The following NRXN1 variants were observed in gnomAD, a reference collection of about 807,000 sequenced individuals.
NRXN1 encodes the protein neurexin-1.
A neutral mutation model predicts 150.9 loss-of-function variants in NRXN1; 39 were observed. The observed-to-expected ratio is 0.26, with a 90% CI of 0.20 to 0.34. The LOEUF (loss-of-function observed/expected upper bound fraction) is 0.34, where lower values mean the gene tolerates loss of function less well. NRXN1 is among the 10% of genes least tolerant of loss of function. The pLI, the probability that NRXN1 is intolerant of heterozygous loss-of-function variation, is 1.00. For synonymous variants in NRXN1, 924 were observed against 757.0 expected (o/e 1.22, Z -3.62); for missense variants, 1,815 against 1,949.9 (o/e 0.93, Z 1.30).
chr2:50,696,175 CGTGTGT>C (rs200473527), intron 5 of NRXN1: 29,293 of 146,310 alleles, frequency 0.2, 3,038 homozygotes, highest in East Asian at 0.27. Flanking sequence ...AGTACATATA[CGTGTGT>C]GTGTGTGTGT....
At chr2:50,819,114 G>A (rs916822506) in intron 5 of NRXN1, among the ~76,000 whole-genome samples, 2 of 152,130 alleles carry the variant, frequency 1.3e-5, no homozygotes, top group Non-Finnish European at 2.9e-5. Flanking sequence ...GAAACAGTAT[G>A]GAGGTTCCTC....
intron 5 of NRXN1, among the ~76,000 whole-genome samples, chr2:50,644,563 T>C (rs570503258): frequency 6.6e-6 from 1 of 151,728 alleles, no homozygotes; most frequent in Non-Finnish European, 1.5e-5. Context: ...TGGACGGCTA[T>C]GGAATGAAAT....
chr2:50,345,472 G>T (rs2077877178), intron 17 of NRXN1, among the ~76,000 whole-genome samples: 1 of 152,094 alleles, frequency 6.6e-6, no homozygotes, highest in South Asian at 2.1e-4. Context: ...AAGGTGACGG[G>T]TCCTGCAAGA....
At chr2:50,608,224 T>C (rs891575193) in intron 8 of NRXN1, among the ~76,000 whole-genome samples, 1 of 152,228 alleles carries the variant, frequency 6.6e-6, no homozygotes, top group African/African-American at 2.4e-5. Context: ...TGTTTCGTGA[T>C]CCATAAAATA....
chr2:50,120,295 C>G (rs866396736), intron 18 of NRXN1, among the ~76,000 whole-genome samples: 24 of 151,798 alleles, frequency 1.6e-4, no homozygotes, highest in African/African-American at 5.1e-4. Flanking sequence ...AAAAAATGTT[C>G]AAGGACTAAG....
At chr2:50,365,498 C>T (rs1572694680) in intron 17 of NRXN1, among the ~76,000 whole-genome samples, 1 of 151,996 alleles carries the variant, frequency 6.6e-6, no homozygotes, top group Non-Finnish European at 1.5e-5. Context: ...AAGAAAGTTA[C>T]AAATTTTCTA....
intron 5 of NRXN1, among the ~76,000 whole-genome samples, chr2:50,831,009 T>C (rs1196805970): frequency 6.6e-6 from 1 of 152,210 alleles, no homozygotes; most frequent in Non-Finnish European, 1.5e-5. Flanking sequence ...TGAAATGTTT[T>C]GATGCAGGCA....
intron 5 of NRXN1, among the ~76,000 whole-genome samples, chr2:50,802,238 T>C (rs1385088639): frequency 6.6e-6 from 1 of 152,058 alleles, no homozygotes; most frequent in East Asian, 1.9e-4. Flanking sequence ...ATGCATGCAA[T>C]CCCAGCACTT....
intron 17 of NRXN1, among the ~76,000 whole-genome samples, chr2:50,244,488 T>G (rs928743975): frequency 6.6e-6 from 1 of 151,902 alleles, no homozygotes; most frequent in Non-Finnish European, 1.5e-5. Context: ...TTTCTGACAT[T>G]ATAAGGGCAT....
intron 8 of NRXN1, among the ~76,000 whole-genome samples, chr2:50,580,404 C>T (rs1672087094): frequency 6.6e-6 from 1 of 152,116 alleles, no homozygotes; most frequent in African/African-American, 2.4e-5. Context: ...AATGATCAGA[C>T]ATTAATTCAA....
At chr2:50,334,209 A>ATATGTATGTATATG (rs57342694) in intron 17 of NRXN1, among the ~76,000 whole-genome samples, 4 of 121,436 alleles carry the variant, frequency 3.3e-5, no homozygotes, top group African/African-American at 1.3e-4. Context: ...ATATATATAT[A>ATATGTATGTATATG]TATGTATGTA....
intron 15 of NRXN1, among the ~76,000 whole-genome samples, chr2:50,482,147 A>G (rs10200688): frequency 0.052 from 7,959 of 151,656 alleles, 759 homozygotes; most frequent in African/African-American, 0.18. Flanking sequence ...TGAAACTTAC[A>G]ACAGGAAGAC....
chr2:50,068,371 A>T (rs1695690908), intron 19 of NRXN1, among the ~76,000 whole-genome samples: 1 of 138,344 alleles, frequency 7.2e-6, no homozygotes, highest in Non-Finnish European at 1.6e-5. Flanking sequence ...TACTATGGAT[A>T]TGAATTTAAA....
chr2:50,266,158 C>A (rs1331865369), intron 17 of NRXN1, among the ~76,000 whole-genome samples: 1 of 149,706 alleles, frequency 6.7e-6, no homozygotes, highest in East Asian at 1.9e-4. Flanking sequence ...ACCACAACGC[C>A]CAGGTAATTT....
At chr2:50,771,245 A>C (rs750803681) in intron 5 of NRXN1, among the ~76,000 whole-genome samples, 1 of 152,026 alleles carries the variant, frequency 6.6e-6, no homozygotes, top group Non-Finnish European at 1.5e-5. Context: ...CCCATTCCCC[A>C]TGCCAGTCAC....
chr2:50,271,819 C>T (rs1462767801), intron 17 of NRXN1, among the ~76,000 whole-genome samples: 3 of 151,928 alleles, frequency 2.0e-5, no homozygotes, highest in Non-Finnish European at 4.4e-5. Context: ...CCTTCATAAA[C>T]AAAATTTTTT....
intron 12 of NRXN1, among the ~76,000 whole-genome samples, chr2:50,507,153 C>T (rs183526617): frequency 4.3e-4 from 66 of 152,224 alleles, no homozygotes; most frequent in South Asian, 1.0e-3. Flanking sequence ...TGTGTGATGG[C>T]GGCTATTCCG....
chr2:50,757,710 T>C (rs575500600), intron 5 of NRXN1, among the ~76,000 whole-genome samples: 42 of 151,888 alleles, frequency 2.8e-4, no homozygotes, highest in Non-Finnish European at 4.6e-4. Flanking sequence ...ACAAGCGTGA[T>C]AGTCTTTGAT....
chr2:50,006,821 T>C (rs966414367), intron 21 of NRXN1, among the ~76,000 whole-genome samples: 5 of 152,110 alleles, frequency 3.3e-5, no homozygotes, highest in Non-Finnish European at 7.4e-5. Context: ...AAATCATGTT[T>C]TGTTTACTTC....
Sources: gnomAD v4.1 joint callset for allele counts (sites outside exome capture counted in the v4.1 genomes callset) on GRCh38, gnomAD v4.1.1 for gene constraint, MANE v1.5 for transcripts, NCBI Gene and HGNC (gene_info 2026-07-23, HGNC 2026-07-21) for gene names.